LCT: variants seen among roughly 807,000 people sequenced by gnomAD.
LCT encodes lactase.
LCT carries 90 observed loss-of-function variants against 173.0 expected under a neutral mutation model. The ratio of observed to expected loss-of-function variants is 0.52; its 90% confidence interval spans 0.44 to 0.62. The LOEUF (loss-of-function observed/expected upper bound fraction) is 0.62. Ranked by LOEUF, LCT falls within the 20% of genes least tolerant of loss-of-function variation. The probability of loss-of-function intolerance (pLI) is 0.00; values close to 1 mark genes in which losing one functional copy is unlikely to be tolerated. For missense variants in LCT, 1,864 were observed against 2,431.4 expected, an observed-to-expected ratio of 0.77 and a Z score of 4.91; for synonymous variants, 853 against 957.6, an observed-to-expected ratio of 0.89 and a Z score of 2.02.
chr2:135,797,420 C>G (rs138688614), intron 13 of LCT, among the ~76,000 whole-genome samples: 8 of 152,184 alleles, frequency 5.3e-5, no homozygotes, highest in African/African-American at 1.9e-4. Flanking sequence ...CCTCTCACCC[C>G]ACCTGCATGA....
At chr2:135,794,387 A>T (rs1376296887) in intron 14 of LCT, 4 of 470,584 alleles carry the variant, frequency 8.5e-6, no homozygotes, top group Non-Finnish European at 1.5e-5. Context: ...AATAAATTTT[A>T]AAAATGAAAT....
At position 135,809,055 on chromosome 2, in the gene LCT, T is replaced by A; in HGVS notation, c.3292A>T (p.Ile1098Phe). 1 of 1,613,198 alleles carries A rather than the reference T, an allele frequency of 6.2e-7. No individual in the cohort carries two copies. The change falls in exon 8 of 17, where the codon ATC becomes TTC. Residue 1098 changes from isoleucine (I) to phenylalanine (F), a missense_variant. Ile to Phe is a conservative substitution (Grantham distance 21, BLOSUM62 0). Transcript: ENST00000264162. The surrounding 1 kb of genome is among the most constrained non-coding windows in gnomAD (Gnocchi z 5.5). ...TGATAGACTCTGGCATGGGCTTTGA[T>A]GACGGCGTGGGCTATCCTATATGGT... ...WAPYRIAHAV[I>F]KAHARVYHTY... is the part of the protein sequence containing the mutation.
chr2:135,830,863 G>C (rs1450893193), intron 2 of LCT, among the ~76,000 whole-genome samples: 2 of 152,232 alleles, frequency 1.3e-5, no homozygotes, highest in African/African-American at 4.8e-5. Flanking sequence ...ATGGTGGGTA[G>C]GGATTCACAT....
Position 135,817,509 on chromosome 2 carries a change from C to G in LCT, c.1539G>C (p.Glu513Asp). Reference sequence around the variant, plus strand: ...AGTCCAGGAAGGCATCCACCACGCTCTCATTCTGCCATCCACCATGATCCT... The same window carrying G: ...AGTCCAGGAAGGCATCCACCACGCTGTCATTCTGCCATCCACCATGATCCT... Reference protein sequence around the residue: ...ALQDHGGWQNESVVDAFLDYA... With the variant: ...ALQDHGGWQNDSVVDAFLDYA... Residue 513 changes from glutamate to aspartate, a missense_variant, in exon 6 of 17, where the codon GAG (glutamate) becomes GAC (aspartate). By Grantham distance (45) the Glu-to-Asp change is conservative. Around this residue, in one of 4 missense-constraint regions of LCT, gnomAD observed 183 missense variants for 293.1 expected, o/e 0.62. Coordinates refer to ENST00000264162, the MANE Select transcript of LCT (RefSeq NM_002299.4). The G allele has an allele frequency of 6.2e-7, 1 of 1,614,220 alleles. No homozygotes were observed. Among genetic ancestry groups the G allele is most frequent in the Non-Finnish European group, 8.5e-7 (1 of 1,180,052 alleles).
In LCT at chr2:135,812,875, C is replaced by T. The variant is rs1465020980; in HGVS notation, c.1789G>A (p.Val597Met). 1.1e-5 allele frequency: 18 copies of T among 1,614,042 alleles called. No homozygotes were observed. Among genetic ancestry groups the T allele is most frequent in the East Asian group, 4.5e-5 (2 of 44,902 alleles). ...CAGTCTGAGTTCAGCACAATGCCCA[C>T]GTGCCCCTGCTGCTGTGGGCGATGA... is the stretch of plus-strand genomic sequence containing the variant. ...SHHRPQQQGH[V>M]GIVLNSDWAE... is the part of the protein sequence containing the mutation. The change falls in exon 7 of 17, where the codon GTG (valine) becomes ATG (methionine). Residue 597 changes from valine to methionine, a missense_variant. Val to Met is a conservative substitution (Grantham distance 21, BLOSUM62 1). Coordinates refer to ENST00000264162, the MANE Select transcript of LCT (RefSeq NM_002299.4).
chr2:135,794,457 T>TTC (rs936446036), intron 14 of LCT, 184 bp downstream of exon 14: 285 of 670,188 alleles, frequency 4.3e-4, no homozygotes, highest in Non-Finnish European at 1.0e-4. Context: ...GACCCCGGCC[T>TTC]TCTCTCCCTC....
rs1221877462 is a variant in LCT at position 135,818,030 on chromosome 2, G to T, written c.1018C>A (p.Leu340Ile). 4 of 1,613,266 alleles carry T rather than the reference G, an allele frequency of 2.5e-6. No homozygotes were observed. The African/African-American group carries it at 5.3e-5, about 22-fold the overall frequency. The change falls in exon 6 of 17, where the codon CTT becomes ATT. Residue 340 changes from leucine (L) to isoleucine (I), a missense_variant. Physicochemically the swap from Leu to Ile is conservative, Grantham distance 5. Around this residue, in one of 4 missense-constraint regions of LCT, gnomAD observed 412 missense variants for 462.0 expected, o/e 0.89. Transcript: ENST00000264162. The stretch of plus-strand genomic sequence containing the variant: ...TGGTCCTGCTGCTGGTCAGGCTGAA[G>T]GGCCAGGCTGCCAGTCAGAGAACAA... ...MSCSLTGSLA[L>I]QPDQQQDHET...
intron 5 of LCT, 79 bp from the exon 6 acceptor site, chr2:135,818,140 T>G: frequency 6.5e-7 from 1 of 1,540,238 alleles, no homozygotes; most frequent in East Asian, 2.3e-5. Context: ...GGATGACTAC[T>G]GTGTTTAATC....
At chr2:135,825,155 G>T (rs72972152) in intron 3 of LCT, among the ~76,000 whole-genome samples, 8,044 of 151,966 alleles carry the variant, frequency 0.053, 378 homozygotes, top group African/African-American at 0.12. Context: ...TTTTTTGCGG[G>T]GCTTGGAGTT....
intron 9 of LCT, among the ~76,000 whole-genome samples, chr2:135,806,223 C>T (rs1004388344): frequency 3.9e-5 from 6 of 152,022 alleles, no homozygotes; most frequent in African/African-American, 7.3e-5. Context: ...CTCCTCGTCT[C>T]GAGCGATCCT....
chr2:135,803,460 T>C lies in LCT; in HGVS notation c.4663+470A>G, dbSNP rs138729422. On this transcript the variant is annotated intron_variant, in intron 11 of 16. Transcript: ENST00000264162. ...CTCTCCATAGTCAAGCACACTGATA[T>C]CTCTGCAGCAGAACTTAGGAATGTT... Among the ~76,000 whole-genome samples, 86 of 152,312 alleles carry C rather than the reference T, an allele frequency of 5.6e-4. 1 individual carries two copies. Among genetic ancestry groups the C allele is most frequent in the African/African-American group, 2.0e-3 (82 of 41,584 alleles).
In LCT at chr2:135,790,603, G is replaced by T; in HGVS notation, c.5335+55C>A. ...ACGCTGTATCACACTCCTGCAAATA[G>T]CAGATGTTTCCAACAGGGGAAGGTG... is the stretch of plus-strand genomic sequence containing the variant. On this transcript the variant is annotated intron_variant, in intron 15 of 16. Coordinates refer to ENST00000264162, the MANE Select transcript of LCT (RefSeq NM_002299.4). The surrounding 1 kb of genome is among the most constrained non-coding windows in gnomAD (Gnocchi z 4.1). 1.8e-6 allele frequency: 2 copies of T among 1,123,442 alleles called. No homozygotes were observed. The highest frequency in any genetic ancestry group is 1.2e-5 in the South Asian group (1 of 80,536). 69.6% of individuals were successfully genotyped at this position (1,123,442 alleles called of 1,614,324 possible). A position where few individuals can be genotyped will look rare whatever the true frequency, so the allele number is the denominator to read the frequency against.
chr2:135,788,763 G>A (rs1414134778), intron 16 of LCT, among the ~76,000 whole-genome samples: 3 of 152,184 alleles, frequency 2.0e-5, no homozygotes, highest in Non-Finnish European at 4.4e-5. Context: ...ATTAGAATAC[G>A]GTTGAATATC....
At chr2:135,830,795 A>G (rs2105555645) in intron 2 of LCT, among the ~76,000 whole-genome samples, 2 of 152,342 alleles carry the variant, frequency 1.3e-5, no homozygotes, top group South Asian at 4.1e-4. Context: ...TATGTCTGTC[A>G]GTTCTGCACA....
rs2077953483 is a variant in LCT, at chr2:135,833,181, A to C, written c.650T>G (p.Leu217Arg). Residue 217 changes from leucine to arginine, a missense_variant, in exon 2 of 17, where the codon CTC (leucine) becomes CGC (arginine). Physicochemically the swap from Leu to Arg is moderately radical, Grantham distance 102. This residue lies in a region of LCT where 412 missense variants were observed against 462.0 expected (regional missense o/e 0.89). Transcript: ENST00000264162. ...HESYAFQGGK[L>R]SVVLRAEDIP... is the part of the protein sequence containing the mutation. ...ATCTTCAGCTCGCAGGACAACAGAG[A>C]GTTTTCCGCCTGAAACCAACCAGAG... The C allele has an allele frequency of 6.2e-7, 1 of 1,613,876 alleles. No homozygotes were observed.
chr2:135,834,787 C>CAAAAAAAAA lies in LCT; in HGVS notation c.641-1606_641-1598dup, dbSNP rs60298631. 3.5e-3 allele frequency among the ~76,000 whole-genome samples: 118 copies of CAAAAAAAAA among 33,890 alleles called. 5 individuals carry two copies. The highest frequency in any genetic ancestry group is 5.8e-3 in the East Asian group (3 of 516). 22.2% of individuals were successfully genotyped at this position (33,890 alleles called of 152,430 possible). A position where few individuals can be genotyped will look rare whatever the true frequency, so the allele number is the denominator to read the frequency against. ...TGGACAAAAGAGTGAGACTCCATCT[C>CAAAAAAAAA]AAAAAAAAAAAAAAAAAAAAAAAGA... On this transcript the variant is annotated intron_variant, in intron 1 of 16. Transcript: ENST00000264162.
Position 135,808,619 on chromosome 2 carries a change from G to A in LCT, c.3728C>T (p.Thr1243Met), listed in dbSNP as rs749355445. 70 of 1,614,210 alleles carry A rather than the reference G, an allele frequency of 4.3e-5. No homozygotes were observed. The highest frequency in any genetic ancestry group is 5.5e-5 in the Non-Finnish European group (65 of 1,180,034). Residue 1243 changes from threonine to methionine, a missense_variant, in exon 8 of 17, where the codon ACG (threonine) becomes ATG (methionine). By Grantham distance (81) the Thr-to-Met change is moderately conservative. This residue lies in a region of LCT where 755 missense variants were observed against 926.3 expected (regional missense o/e 0.82). Transcript: ENST00000264162. ...AEEEDPSWPS[T>M]AMNRAAPWGT... is the part of the protein sequence containing the mutation. ...CCAGGGCGCAGCTCTGTTCATTGCC[G>A]TGGAAGGCCACGAAGGGTCCTCCTC...
intron 11 of LCT, among the ~76,000 whole-genome samples, chr2:135,801,417 C>T (rs1193063480): frequency 6.6e-6 from 1 of 152,004 alleles, no homozygotes; most frequent in African/African-American, 2.4e-5. Flanking sequence ...TTTTTTAAAA[C>T]TTAAAAGACA....
intron 8 of LCT, 134 bp downstream of exon 8, chr2:135,808,309 A>G: frequency 1.2e-6 from 1 of 837,272 alleles, no homozygotes; most frequent in Non-Finnish European, 2.1e-6. Context: ...CCCCAAACAG[A>G]TAAAGAATTA....
Sources: gnomAD v4.1 joint callset for allele counts (sites outside exome capture counted in the v4.1 genomes callset) on GRCh38, gnomAD v4.1.1 for gene constraint, gnomAD v4.1.1 regional missense constraint, Gnocchi (gnomAD v3.1) non-coding constraint, MANE v1.5 for transcripts, NCBI Gene and HGNC (gene_info 2026-07-23, HGNC 2026-07-21) for gene names.